The following KLC4 variants were observed in gnomAD, a reference collection of about 807,000 sequenced individuals.
KLC4 encodes the protein kinesin light chain 4.
KLC4 carries 49 observed loss-of-function variants against 77.2 expected under a neutral mutation model. The ratio of observed to expected loss-of-function variants is 0.63; its 90% CI spans 0.50 to 0.80. KLC4 has a LOEUF of 0.80. Ranked by LOEUF, KLC4 falls within the 30% of genes least tolerant of loss-of-function variation. The probability of loss-of-function intolerance (pLI) is 0.00; values close to 1 mark genes in which losing one functional copy is unlikely to be tolerated. For synonymous variants in KLC4, 274 were observed against 314.5 expected (o/e 0.87, Z 1.36); for missense variants, 669 against 793.5 (o/e 0.84, Z 1.89).
chr6:43,063,152 G>A lies in KLC4; in HGVS notation c.489+5G>A. On this transcript the variant is annotated splice_donor_5th_base_variant and intron_variant, in intron 3 of 15. Transcript: ENST00000347162. The stretch of plus-strand genomic sequence containing the variant: ...GATGAGGATGGACATACCTCGGTGA[G>A]TGTGCACAGGCGAGACTGGCTGAGG... 6.2e-7 allele frequency: 1 copy of A among 1,607,000 alleles called. No homozygotes were observed. Among genetic ancestry groups the A allele is most frequent in the South Asian group, 1.1e-5 (1 of 90,754 alleles).
At chr6:43,061,206 C>T in intron 1 of KLC4, 105 bp from the exon 2 acceptor site, 1 of 1,214,246 alleles carries the variant, frequency 8.2e-7, no homozygotes, top group Non-Finnish European at 1.2e-6. Flanking sequence ...CACAGGGTCA[C>T]TCTTACTTTT....
chr6:43,067,040 C>A lies in KLC4; in HGVS notation c.836C>A (p.Ala279Asp). The change falls in exon 6 of 16, where the codon GCC (alanine) becomes GAC (aspartate). Residue 279 changes from alanine (A) to aspartate (D), a missense_variant. Coordinates refer to ENST00000347162, the MANE Select transcript of KLC4 (RefSeq NM_201521.3). Reference sequence around the variant, plus strand: ...GAAGCTGCCCACCTGCTGAATGATGCCCTTAGCATCCGGGAGAGCACCTTG... The same window carrying A: ...GAAGCTGCCCACCTGCTGAATGATGACCTTAGCATCCGGGAGAGCACCTTG... ...YKEAAHLLND[A>D]LSIRESTLGP... 6.2e-7 allele frequency: 1 copy of A among 1,614,044 alleles called. No homozygotes were observed. The highest frequency in any genetic ancestry group is 1.3e-5 in the African/African-American group (1 of 75,020).
At chr6:43,060,489 G>T in intron 1 of KLC4, 5 of 1,352,708 alleles carry the variant, frequency 3.7e-6, no homozygotes, top group Non-Finnish European at 4.8e-6. Flanking sequence ...AGAAGGGGTG[G>T]GAACGCTGGA....
intron 4 of KLC4, 95 bp from the exon 5 acceptor site, chr6:43,066,211 G>C (rs1331403287): frequency 9.6e-7 from 1 of 1,041,972 alleles, no homozygotes; most frequent in African/African-American, 1.6e-5. Flanking sequence ...GTTGGGGTGG[G>C]CACAAGTATG....
At chr6:43,066,709 C>T (rs531469753) in intron 5 of KLC4, among the ~76,000 whole-genome samples, 184 bp downstream of exon 5, 18 of 152,316 alleles carry the variant, frequency 1.2e-4, no homozygotes, top group African/African-American at 3.8e-4. Context: ...AGCATTTGCT[C>T]ATCCCTTGGG....
chr6:43,073,764 G>T, intron 14 of KLC4, 138 bp from the exon 15 acceptor site: 1 of 714,490 alleles, frequency 1.4e-6, no homozygotes, highest in Non-Finnish European at 2.5e-6. Flanking sequence ...GAAACAGGGA[G>T]GAAGTCAACG....
rs1235425012 is a variant in KLC4 at position 43,071,333 on chromosome 6, TC to T, written c.1216del (p.Leu406Ter). On this transcript the variant is annotated frameshift_variant, in exon 9 of 16. Coordinates refer to ENST00000347162, the MANE Select transcript of KLC4 (RefSeq NM_201521.3). LOFTEE classifies it high-confidence loss of function. ...YAEAETLYKE[I>X]LTRAHVQEFG... ...GAGGCTGAGACACTATACAAAGAGA[TC>T]CTGACCCGTGCCCATGTACAGGAGT... 6.2e-7 allele frequency: 1 copy of T among 1,613,542 alleles called. No individual in the cohort carries two copies. Among genetic ancestry groups the T allele is most frequent in the Non-Finnish European group, 8.5e-7 (1 of 1,179,898 alleles).
intron 6 of KLC4, among the ~76,000 whole-genome samples, chr6:43,068,526 G>T (rs1386010023): frequency 6.6e-6 from 1 of 151,292 alleles, no homozygotes; most frequent in Non-Finnish European, 1.5e-5. Flanking sequence ...AAGAGGAAGA[G>T]ACTGGGCTTG....
chr6:43,060,493 C>T (rs1193625603), intron 1 of KLC4: 7 of 1,344,936 alleles, frequency 5.2e-6, no homozygotes, highest in African/African-American at 1.5e-5. Context: ...GGGGTGGGAA[C>T]GCTGGACTTC....
Position 43,074,742 on chromosome 6 carries a change from C to T in KLC4, c.*70C>T. The T allele has an allele frequency of 3.1e-6, 4 of 1,279,672 alleles. No individual in the cohort carries two copies. The highest frequency in any genetic ancestry group is 2.9e-5 in the African/African-American group (2 of 68,770). The allele number at this position is 1,279,672 out of a possible 1,614,324, so 79.3% of individuals were successfully genotyped here. A position where few individuals can be genotyped will look rare whatever the true frequency, so the allele number is the denominator to read the frequency against. ...AGCCCTCACAGCATTCCCCATTGCT[C>T]CTGGCTCTTCCCCACCCCTAGGTGG... On this transcript the variant is annotated 3_prime_UTR_variant, in exon 16 of 16. Transcript: ENST00000347162.
In KLC4 at chr6:43,074,726, A is replaced by G. The variant is rs2150360880; in HGVS notation, c.*54A>G. On this transcript the variant is annotated 3_prime_UTR_variant, in exon 16 of 16. Coordinates refer to ENST00000347162, the MANE Select transcript of KLC4 (RefSeq NM_201521.3). ...GTCCCCCCACCCCCACAGCCCTCAC[A>G]GCATTCCCCATTGCTCCTGGCTCTT... 6.9e-7 allele frequency: 1 copy of G among 1,448,052 alleles called. No homozygotes were observed. The highest frequency in any genetic ancestry group is 9.7e-7 in the Non-Finnish European group (1 of 1,028,274). 89.7% of individuals were successfully genotyped at this position (1,448,052 alleles called of 1,614,324 possible).
chr6:43,067,889 G>A (rs573665429), intron 6 of KLC4, among the ~76,000 whole-genome samples: 26 of 114,130 alleles, frequency 2.3e-4, no homozygotes, highest in Middle Eastern at 5.2e-3. Context: ...GAGGCGGGCG[G>A]ATCACGAGGT....
Position 43,066,436 on chromosome 6 carries a change from T to C in KLC4, c.702T>C (p.Cys234=). ...QGRYEVAVPL[C]KQALEDLERT... ...GCTATGAGGTGGCCGTGCCACTCTG[T>C]AAGCAGGCACTAGAGGACCTGGAGC... is the stretch of plus-strand genomic sequence containing the variant. Residue 234 remains cysteine (C), a synonymous_variant, in exon 5 of 16, where the codon TGT becomes TGC. Transcript: ENST00000347162. 2 of 1,614,154 alleles carry C rather than the reference T, an allele frequency of 1.2e-6. No individual in the cohort carries two copies. The highest frequency in any genetic ancestry group is 1.7e-6 in the Non-Finnish European group (2 of 1,180,014).
At chr6:43,072,299 T>C in intron 12 of KLC4, 44 bp downstream of exon 12, 1 of 1,450,712 alleles carries the variant, frequency 6.9e-7, no homozygotes, top group Non-Finnish European at 9.7e-7. Flanking sequence ...GGAAGGGCCC[T>C]GGGGATGAGA....
rs138884730 is a variant in KLC4 at position 43,073,179 on chromosome 6, G to A, written c.1630-44G>A. On this transcript the variant is annotated intron_variant, in intron 13 of 15. Transcript: ENST00000347162. ...TAGGAGTAGACTCAGAAACCCATCTGTGTGGGATCCTTGTAGCTTTCATTG... is the reference window on the plus strand; with the variant it reads ...TAGGAGTAGACTCAGAAACCCATCTATGTGGGATCCTTGTAGCTTTCATTG... The A allele has an allele frequency of 6.4e-5, 98 of 1,527,860 alleles. No homozygotes were observed. In the African/African-American group the frequency reaches 1.2e-3, roughly 19 times the overall value. The allele number at this position is 1,527,860 out of a possible 1,614,324, so 94.6% of individuals were successfully genotyped here.
intron 11 of KLC4, 76 bp downstream of exon 11, chr6:43,071,998 T>C: frequency 6.8e-7 from 1 of 1,475,552 alleles, no homozygotes. Context: ...CCCAGACCTT[T>C]TCCCTTCCTC....
In KLC4 at chr6:43,066,480, A is replaced by G. The variant is rs1251702429; in HGVS notation, c.746A>G (p.His249Arg). 1 of 1,613,802 alleles carries G rather than the reference A, an allele frequency of 6.2e-7. No homozygotes were observed. Among genetic ancestry groups the G allele is most frequent in the African/African-American group, 1.3e-5 (1 of 74,904 alleles). ...EDLERTSGRG[H>R]PDVATMLNIL... ...CTGGAGCGCACATCAGGCCGTGGCCACCCTGATGTCGCCACCATGCTCAAC... is the reference window on the plus strand; with the variant it reads ...CTGGAGCGCACATCAGGCCGTGGCCGCCCTGATGTCGCCACCATGCTCAAC... Residue 249 changes from histidine (H) to arginine (R), a missense_variant, in exon 5 of 16, where the codon CAC becomes CGC. Coordinates refer to ENST00000347162, the MANE Select transcript of KLC4 (RefSeq NM_201521.3).
rs1765920381 is a variant in KLC4, at chr6:43,074,991, C to T, written c.*319C>T. ...TTCAGTCAGAGGGTTGGGGGCTGGC[C>T]AGCCAAGCTGCCTTGCCCTGGCCGC... On this transcript the variant is annotated 3_prime_UTR_variant, in exon 16 of 16. Coordinates refer to ENST00000347162, the MANE Select transcript of KLC4 (RefSeq NM_201521.3). 2.7e-6 allele frequency: 1 copy of T among 372,680 alleles called. No homozygotes were observed. Among genetic ancestry groups the T allele is most frequent in the Non-Finnish European group, 5.0e-6 (1 of 201,462 alleles). 23.1% of individuals were successfully genotyped at this position (372,680 alleles called of 1,614,324 possible).
intron 6 of KLC4, among the ~76,000 whole-genome samples, chr6:43,068,018 A>G (rs1327908773): frequency 5.3e-5 from 5 of 95,090 alleles, no homozygotes; most frequent in Admixed American, 1.1e-4. Context: ...AGGCTGAGGC[A>G]GGAGAATGGC....
Sources: allele counts gnomAD v4.1 joint callset (sites outside exome capture counted in the v4.1 genomes callset), GRCh38; gene constraint gnomAD v4.1.1; transcripts MANE v1.5; gene names NCBI Gene and HGNC (gene_info 2026-07-23, HGNC 2026-07-21).